CABLES1: variants seen among roughly 807,000 people sequenced by gnomAD.
CABLES1 encodes the protein CDK5 and ABL1 enzyme substrate 1.
CABLES1 carries 36 observed loss-of-function variants against 57.8 expected under a neutral mutation model. The observed-to-expected ratio is 0.62, with a 90% CI of 0.48 to 0.82. CABLES1 has a LOEUF of 0.82. Among genes scored for constraint, CABLES1 ranks in the 40% least tolerant of loss-of-function variants. The pLI, the probability that CABLES1 is intolerant of heterozygous loss-of-function variation, is 0.00. For synonymous variants in CABLES1, 374 were observed against 363.0 expected (o/e 1.03, Z -0.35); for missense variants, 767 against 836.6 (o/e 0.92, Z 1.03).
chr18:23,164,662 T>TA (rs2047028830), intron 1 of CABLES1, among the ~76,000 whole-genome samples: 1 of 152,080 alleles, frequency 6.6e-6, no homozygotes, highest in South Asian at 2.1e-4. Context: ...TAAAGCTTTT[T>TA]TTTTTTTTGC....
At chr18:23,156,128 C>T (rs555387482) in intron 1 of CABLES1, among the ~76,000 whole-genome samples, 62 of 152,266 alleles carry the variant, frequency 4.1e-4, no homozygotes, top group Non-Finnish European at 7.6e-4. Context: ...GTGTGAATGG[C>T]ATGAGGTCAT....
chr18:23,163,379 G>A (rs1227212823), intron 1 of CABLES1, among the ~76,000 whole-genome samples: 1 of 152,160 alleles, frequency 6.6e-6, no homozygotes, highest in Non-Finnish European at 1.5e-5. Context: ...AGCCAAAGGT[G>A]AGGAGGAAAT....
intron 7 of CABLES1, among the ~76,000 whole-genome samples, chr18:23,248,538 T>TTTTTTTTTTTTTTTTTTA (rs1555671608): frequency 4.3e-5 from 4 of 93,600 alleles, no homozygotes; most frequent in Non-Finnish European, 7.0e-5. Context: ...TTTTTTTTTT[T>TTTTTTTTTTTTTTTTTTA]AAAAAAAGGC....
Position 23,245,406 on chromosome 18 carries a change from G to T in CABLES1, c.1447-7554G>T, listed in dbSNP as rs147029205. Among the ~76,000 whole-genome samples the T allele has an allele frequency of 5.0e-3, 758 of 151,828 alleles. 9 individuals are homozygous for T. Among genetic ancestry groups the T allele is most frequent in the African/African-American group, 0.017 (707 of 41,376 alleles). On this transcript the variant is annotated intron_variant, in intron 7 of 9. Transcript: ENST00000256925. ...TGCACCTGTAGTCCCAGCTACTTGG[G>T]AGACTGAGGCACGAGAATCGCTTGA...
chr18:23,211,982 C>T (rs1253522314), intron 3 of CABLES1, among the ~76,000 whole-genome samples: 1 of 152,252 alleles, frequency 6.6e-6, no homozygotes, highest in Non-Finnish European at 1.5e-5. Context: ...ACATGATGCT[C>T]TGTCCTTGAC....
In CABLES1 at chr18:23,248,512, C is replaced by CTTTT. The variant is rs59555750; in HGVS notation, c.1447-4425_1447-4422dup. Among the ~76,000 whole-genome samples, 531 of 90,708 alleles carry CTTTT rather than the reference C, an allele frequency of 5.9e-3. 16 individuals carry two copies. The highest frequency in any genetic ancestry group is 0.019 in the African/African-American group (446 of 23,144). The allele number at this position is 90,708 out of a possible 152,430, so 59.5% of individuals were successfully genotyped here. On this transcript the variant is annotated intron_variant, in intron 7 of 9. Coordinates refer to ENST00000256925, the MANE Select transcript of CABLES1 (RefSeq NM_001100619.3). Reference sequence around the variant, plus strand: ...CTGGCAATGTAGCAAGACCCTATGTCTTTTTTTTTTTTTTTTTTTTTTTTT... The same window carrying CTTTT: ...CTGGCAATGTAGCAAGACCCTATGTCTTTTTTTTTTTTTTTTTTTTTTTTTTTTT...
chr18:23,227,995 G>A (rs2047540456), intron 4 of CABLES1, among the ~76,000 whole-genome samples: 1 of 152,202 alleles, frequency 6.6e-6, no homozygotes, highest in Non-Finnish European at 1.5e-5. Context: ...AAAGGATGGT[G>A]GAGAGAAGTC....
intron 1 of CABLES1, among the ~76,000 whole-genome samples, chr18:23,151,115 T>C (rs2046927230): frequency 6.7e-6 from 1 of 150,072 alleles, no homozygotes; most frequent in Non-Finnish European, 1.5e-5. Flanking sequence ...GCCTCCTGGG[T>C]TCACGCCCTT....
chr18:23,235,469 G>A lies in CABLES1; in HGVS notation c.1186-426G>A, dbSNP rs146430467. Among the ~76,000 whole-genome samples the A allele has an allele frequency of 7.2e-3, 1,100 of 152,306 alleles. 9 individuals are homozygous for A. Among genetic ancestry groups the A allele is most frequent in the African/African-American group, 0.023 (952 of 41,566 alleles). On this transcript the variant is annotated intron_variant, in intron 5 of 9. Coordinates refer to ENST00000256925, the MANE Select transcript of CABLES1 (RefSeq NM_001100619.3). ...GATGGAGTGGAGGGTCATATGTGGCGTCTGCCAGAGGAGCAGGGTAGGAGG... is the reference window on the plus strand; with the variant it reads ...GATGGAGTGGAGGGTCATATGTGGCATCTGCCAGAGGAGCAGGGTAGGAGG...
At chr18:23,215,563 G>A (rs1044803511) in intron 4 of CABLES1, among the ~76,000 whole-genome samples, 2 of 152,070 alleles carry the variant, frequency 1.3e-5, no homozygotes, top group African/African-American at 4.8e-5. Flanking sequence ...GGTTTCCCTG[G>A]CTGACCTCTC....
chr18:23,260,384 C>A lies in CABLES1; in HGVS notation c.*3017C>A, dbSNP rs959620515. 6.6e-6 allele frequency: 1 copy of A among 152,244 alleles called. No homozygotes were observed. Among genetic ancestry groups the A allele is most frequent in the Non-Finnish European group, 1.5e-5 (1 of 68,070 alleles). 9.4% of individuals were successfully genotyped at this position (152,244 alleles called of 1,614,324 possible). On this transcript the variant is annotated 3_prime_UTR_variant, in exon 10 of 10. Coordinates refer to ENST00000256925, the MANE Select transcript of CABLES1 (RefSeq NM_001100619.3). ...TGTACCACGTGCCCTACCTTAGTGA[C>A]GGGAGTAAGGAGCTTCCTTCCCCTC...
intron 7 of CABLES1, among the ~76,000 whole-genome samples, chr18:23,249,598 C>T (rs1378632649): frequency 6.6e-6 from 1 of 152,192 alleles, no homozygotes; most frequent in East Asian, 1.9e-4. Context: ...GCGTCTTTTA[C>T]GTACGTTTTG....
chr18:23,178,597 G>A (rs558217932), intron 1 of CABLES1, among the ~76,000 whole-genome samples: 1 of 152,352 alleles, frequency 6.6e-6, no homozygotes, highest in Non-Finnish European at 1.5e-5. Flanking sequence ...AGTAGGGACT[G>A]ACATGAGGGA....
chr18:23,161,849 G>A (rs1454096033), intron 1 of CABLES1, among the ~76,000 whole-genome samples: 1 of 151,810 alleles, frequency 6.6e-6, no homozygotes, highest in Non-Finnish European at 1.5e-5. Flanking sequence ...GTGAACCCGG[G>A]AGGCGGAGCT....
chr18:23,204,608 C>A (rs144595129), intron 3 of CABLES1: 3 of 152,542 alleles, frequency 2.0e-5, no homozygotes, highest in Non-Finnish European at 4.4e-5. Flanking sequence ...TCTCTTCTCA[C>A]GCTGCTGATT....
intron 4 of CABLES1, among the ~76,000 whole-genome samples, chr18:23,217,205 C>T (rs539181371): frequency 1.6e-4 from 25 of 152,214 alleles, no homozygotes; most frequent in Middle Eastern, 3.4e-3. Context: ...CCTCAGTCTC[C>T]CAAGTAGCTA....
intron 1 of CABLES1, among the ~76,000 whole-genome samples, chr18:23,137,712 T>TG (rs1358540205): frequency 1.3e-5 from 2 of 152,068 alleles, no homozygotes; most frequent in Non-Finnish European, 2.9e-5. Flanking sequence ...AATGGACAAA[T>TG]GGGGGAAGAA....
At chr18:23,153,049 C>T (rs919907486) in intron 1 of CABLES1, among the ~76,000 whole-genome samples, 1 of 152,034 alleles carries the variant, frequency 6.6e-6, no homozygotes, top group African/African-American at 2.4e-5. Context: ...ATCCGCCTAC[C>T]TTGGCCTCCT....
intron 7 of CABLES1, among the ~76,000 whole-genome samples, chr18:23,249,890 G>A (rs1004524997): frequency 2.6e-5 from 4 of 152,222 alleles, no homozygotes; most frequent in South Asian, 4.1e-4. Flanking sequence ...CATGGGGCAC[G>A]AGCTGGAAGC....
Sources: gnomAD v4.1 joint callset for allele counts (sites outside exome capture counted in the v4.1 genomes callset) on GRCh38, gnomAD v4.1.1 for gene constraint, MANE v1.5 for transcripts, NCBI Gene and HGNC (gene_info 2026-07-23, HGNC 2026-07-21) for gene names.